The following CPNE7 variants were observed in gnomAD, a reference collection of about 807,000 sequenced individuals.
CPNE7 encodes the protein copine 7, also known as copine-7.
CPNE7 carries 78 observed loss-of-function variants against 66.5 expected under a neutral mutation model. The ratio of observed to expected loss-of-function variants is 1.17; its 90% CI spans 0.98 to 1.42. The LOEUF (loss-of-function observed/expected upper bound fraction) is 1.42, where lower values mean the gene tolerates loss of function less well. Among genes scored for constraint, CPNE7 ranks in the 40% most tolerant of loss-of-function variants. The pLI is 0.00. For missense variants in CPNE7, 1,012 were observed against 776.6 expected (o/e 1.30, Z -3.60); for synonymous variants, 468 against 336.7 (o/e 1.39, Z -4.27).
chr16:89,583,839 G>C, intron 3 of CPNE7, 68 bp downstream of exon 3: 1 of 1,569,200 alleles, frequency 6.4e-7, no homozygotes, highest in Non-Finnish European at 8.7e-7. Flanking sequence ...TGTTGTGGGC[G>C]GAAGATGGGC....
Position 89,584,762 on chromosome 16 carries a change from G to A in CPNE7, c.508-12G>A, listed in dbSNP as rs199865735. Reference sequence around the variant, plus strand: ...CAGTGCCTGGCCCAGCAGCCCTTGTGCCTCTCCCCAGGACCTCTTCAGCAA... The same window carrying A: ...CAGTGCCTGGCCCAGCAGCCCTTGTACCTCTCCCCAGGACCTCTTCAGCAA... On this transcript the variant is annotated splice_polypyrimidine_tract_variant and intron_variant, in intron 4 of 14. Coordinates refer to ENST00000319518, the MANE Select transcript of CPNE7 (RefSeq NM_153636.3). This position sits in a 1 kb window ranked among gnomAD's most constrained non-coding sequence, Gnocchi z 6.0. The A allele has an allele frequency of 1.2e-4, 191 of 1,609,354 alleles. 1 individual carries two copies. The East Asian group carries it at 4.1e-3, about 35-fold the overall frequency.
intron 2 of CPNE7, among the ~76,000 whole-genome samples, chr16:89,579,932 C>T (rs1264153325): frequency 1.8e-5 from 1 of 54,742 alleles, no homozygotes; most frequent in African/African-American, 4.7e-5. Context: ...CCCGCTGACA[C>T]AGAACATCTC....
chr16:89,584,063 C>T lies in CPNE7; in HGVS notation c.468C>T (p.Tyr156=), dbSNP rs115469922. ...IAEDISGNNG[Y]VELSFRARKL... ...AGGACATCTCGGGGAACAACGGCTA[C>T]GTGGAGCTCTCCTTCCGGGCCAGGA... is the stretch of plus-strand genomic sequence containing the variant. Residue 156 remains tyrosine, a synonymous_variant, in exon 4 of 15, where the codon TAC becomes TAT. Transcript: ENST00000319518. This position sits in a 1 kb window ranked among gnomAD's most constrained non-coding sequence, Gnocchi z 6.0. The T allele has an allele frequency of 9.3e-6, 15 of 1,612,112 alleles. No homozygotes were observed. The highest frequency in any genetic ancestry group is 4.0e-5 in the African/African-American group (3 of 74,994).
chr16:89,585,410 C>G (rs2377061), intron 5 of CPNE7, 54 bp from the exon 6 acceptor site: 15,817 of 1,296,088 alleles, frequency 0.012, 116 homozygotes, highest in South Asian at 0.014. Context: ...TCTATCCCCC[C>G]CAAGGATCCC....
intron 13 of CPNE7, among the ~76,000 whole-genome samples, chr16:89,593,384 C>T (rs879539055): frequency 2.7e-5 from 4 of 150,464 alleles, no homozygotes; most frequent in East Asian, 2.0e-4. Flanking sequence ...GATGGAGTCT[C>T]GCTCTTCACC....
chr16:89,589,813 C>A (rs528990053), intron 10 of CPNE7, 84 bp from the exon 11 acceptor site: 2 of 1,473,182 alleles, frequency 1.4e-6, no homozygotes, highest in Non-Finnish European at 1.9e-6. Flanking sequence ...GTCTTTTGGG[C>A]GCCAGTCATG....
At chr16:89,590,217 T>C (rs532931913) in intron 11 of CPNE7, among the ~76,000 whole-genome samples, 2 of 152,314 alleles carry the variant, frequency 1.3e-5, no homozygotes, top group Non-Finnish European at 2.9e-5. Flanking sequence ...GAATCCTCTA[T>C]TGCACATAAC....
rs1210857469 is a variant in CPNE7, at chr16:89,587,171, C to A, written c.927+69C>A. On this transcript the variant is annotated intron_variant, in intron 9 of 14. Coordinates refer to ENST00000319518, the MANE Select transcript of CPNE7 (RefSeq NM_153636.3). Reference sequence around the variant, plus strand: ...CCCCGCCCCGCCCCGCCCCCTCAGTCCGTGGCCCCGCCCCTCCCCGCCCCC... The same window carrying A: ...CCCCGCCCCGCCCCGCCCCCTCAGTACGTGGCCCCGCCCCTCCCCGCCCCC... 2.3e-5 allele frequency: 19 copies of A among 840,868 alleles called. No individual in the cohort carries two copies. The African/African-American group carries it at 3.4e-4, about 15-fold the overall frequency. 52.1% of individuals were successfully genotyped at this position (840,868 alleles called of 1,614,324 possible).
At chr16:89,578,920 G>A (rs751839737) in intron 2 of CPNE7, 35 of 1,613,872 alleles carry the variant, frequency 2.2e-5, no homozygotes, top group Non-Finnish European at 3.0e-5. Flanking sequence ...GGGCCCTGCT[G>A]GACACTGCGC....
rs185324302 is a variant in CPNE7 at position 89,584,634 on chromosome 16, G to A, written c.508-140G>A. 4.5e-4 allele frequency: 298 copies of A among 668,994 alleles called. No homozygotes were observed. In the East Asian group the frequency reaches 6.4e-3, roughly 14 times the overall value. 41.4% of individuals were successfully genotyped at this position (668,994 alleles called of 1,614,324 possible). The stretch of plus-strand genomic sequence containing the variant: ...GAGGGAGGGACGAGATGCTGTCGGC[G>A]GGGACTGGCTGCCTCGTTTTGTGCC... On this transcript the variant is annotated intron_variant, in intron 4 of 14. Transcript: ENST00000319518. The surrounding 1 kb of genome is among the most constrained non-coding windows in gnomAD (Gnocchi z 6.0).
In CPNE7 at chr16:89,585,377, A is replaced by T. The variant is rs573498775; in HGVS notation, c.592-87A>T. 756 of 937,020 alleles carry T rather than the reference A, an allele frequency of 8.1e-4. 6 individuals carry two copies. Among genetic ancestry groups the T allele is most frequent in the South Asian group, 6.6e-3 (472 of 71,344 alleles). 58.0% of individuals were successfully genotyped at this position (937,020 alleles called of 1,614,324 possible). A position where few individuals can be genotyped will look rare whatever the true frequency, so the allele number is the denominator to read the frequency against. On this transcript the variant is annotated intron_variant, in intron 5 of 14. Coordinates refer to ENST00000319518, the MANE Select transcript of CPNE7 (RefSeq NM_153636.3). ...GGGCAGGGCCAGCTGTGCCCGCCTC[A>T]CAGCTGCTCTTCCACCCAGGTCTCT...
Position 89,586,709 on chromosome 16 carries a change from A to C in CPNE7, c.820A>C (p.Arg274=), listed in dbSNP as rs769276638. Residue 274 remains arginine, a synonymous_variant, in exon 8 of 15, where the codon AGA becomes CGA. Coordinates refer to ENST00000319518, the MANE Select transcript of CPNE7 (RefSeq NM_153636.3). ...DCVNPKYKQK[R]RSYKNSGVVV... ...TGTGAACCCCAAATACAAGCAGAAGAGACGCAGTTATAAGAACTCAGGAGT... is the reference window on the plus strand; with the variant it reads ...TGTGAACCCCAAATACAAGCAGAAGCGACGCAGTTATAAGAACTCAGGAGT... 6.2e-7 allele frequency: 1 copy of C among 1,612,664 alleles called. No individual in the cohort carries two copies. The highest frequency in any genetic ancestry group is 1.1e-5 in the South Asian group (1 of 91,026).
Position 89,595,372 on chromosome 16 carries a change from C to G in CPNE7, c.1308C>G (p.Tyr436Ter). ...TGCCTTTCCTGTGCCCCCAGCAATACTACATCCTGCTGATCCTGACGGACG... is the reference window on the plus strand; with the variant it reads ...TGCCTTTCCTGTGCCCCCAGCAATAGTACATCCTGCTGATCCTGACGGACG... ...AEESTGKASQ[Y>*]YILLILTDGV... Residue 436 changes from tyrosine to a stop codon, truncating the protein, a stop_gained, in exon 14 of 15, where the codon TAC (tyrosine) becomes TAG (stop). Transcript: ENST00000319518. LOFTEE classifies it high-confidence loss of function. The G allele has an allele frequency of 6.4e-7, 1 of 1,571,100 alleles. No homozygotes were observed. Among genetic ancestry groups the G allele is most frequent in the Non-Finnish European group, 8.7e-7 (1 of 1,154,146 alleles).
Position 89,596,475 on chromosome 16 carries a change from A to G in CPNE7, c.1540-9A>G. The G allele has an allele frequency of 1.2e-6, 2 of 1,603,116 alleles. No homozygotes were observed. Among genetic ancestry groups the G allele is most frequent in the Non-Finnish European group, 1.7e-6 (2 of 1,177,220 alleles). The stretch of plus-strand genomic sequence containing the variant: ...GTCCCAGAGGTAACTGCGTTGTCCC[A>G]TCCTCCAGGCATCCCCTGCGGCGCT... On this transcript the variant is annotated splice_polypyrimidine_tract_variant and intron_variant, in intron 14 of 14. Coordinates refer to ENST00000319518, the MANE Select transcript of CPNE7 (RefSeq NM_153636.3).
rs1164863667 is a variant in CPNE7 at position 89,586,691 on chromosome 16, C to T, written c.802C>T (p.Pro268Ser). Residue 268 changes from proline to serine, a missense_variant, in exon 8 of 15, where the codon CCC (proline) becomes TCC (serine). Pro to Ser is a moderately conservative substitution (Grantham distance 74). Coordinates refer to ENST00000319518, the MANE Select transcript of CPNE7 (RefSeq NM_153636.3). ...EGQAQWDCVN[P>S]KYKQKRRSYK... ...CCAGGCCCAGTGGGACTGTGTGAAC[C>T]CCAAATACAAGCAGAAGAGACGCAG... 1 of 1,612,528 alleles carries T rather than the reference C, an allele frequency of 6.2e-7. No homozygotes were observed. Among genetic ancestry groups the T allele is most frequent in the African/African-American group, 1.3e-5 (1 of 74,488 alleles).
At chr16:89,578,280 C>T (rs1292785455) in intron 2 of CPNE7, among the ~76,000 whole-genome samples, 1 of 151,642 alleles carries the variant, frequency 6.6e-6, no homozygotes, top group African/African-American at 2.4e-5. Flanking sequence ...GGTCAGGCTG[C>T]TCTTGAAATC....
chr16:89,584,763 C>T lies in CPNE7; in HGVS notation c.508-11C>T. 1 of 1,609,400 alleles carries T rather than the reference C, an allele frequency of 6.2e-7. No individual in the cohort carries two copies. The highest frequency in any genetic ancestry group is 8.5e-7 in the Non-Finnish European group (1 of 1,177,320). ...AGTGCCTGGCCCAGCAGCCCTTGTG[C>T]CTCTCCCCAGGACCTCTTCAGCAAG... is the stretch of plus-strand genomic sequence containing the variant. On this transcript the variant is annotated splice_polypyrimidine_tract_variant and intron_variant, in intron 4 of 14. Coordinates refer to ENST00000319518, the MANE Select transcript of CPNE7 (RefSeq NM_153636.3). The surrounding 1 kb of genome is among the most constrained non-coding windows in gnomAD (Gnocchi z 6.0).
chr16:89,587,408 G>C (rs74213330), intron 9 of CPNE7: 1 of 300,100 alleles, frequency 3.3e-6, no homozygotes, highest in Non-Finnish European at 6.6e-6. Flanking sequence ...GCGGTTCCCC[G>C]TGAGCCGATG....
At chr16:89,591,286 T>C in intron 13 of CPNE7, 26 bp downstream of exon 13, 1 of 1,542,034 alleles carries the variant, frequency 6.5e-7, no homozygotes, top group Non-Finnish European at 8.7e-7. Flanking sequence ...GTGTGGTGCA[T>C]GCTTGGTGTG....
Sources: allele counts gnomAD v4.1 joint callset (sites outside exome capture counted in the v4.1 genomes callset), GRCh38; gene constraint gnomAD v4.1.1; non-coding constraint Gnocchi (gnomAD v3.1); transcripts MANE v1.5; gene names NCBI Gene and HGNC (gene_info 2026-07-23, HGNC 2026-07-21).